ERBB4: variants seen among roughly 807,000 people sequenced by gnomAD.
ERBB4 encodes erb-b2 receptor tyrosine kinase 4.
A neutral mutation model predicts 158.0 loss-of-function variants in ERBB4; 42 were observed. The observed-to-expected ratio is 0.27, with a 90% CI of 0.21 to 0.34. The LOEUF is 0.34. ERBB4 is among the 10% of genes least tolerant of loss of function. The pLI is 1.00. For missense variants in ERBB4, 1,333 were observed against 1,624.1 expected (o/e 0.82, Z 3.08); for synonymous variants, 583 against 558.7 (o/e 1.04, Z -0.61).
chr2:212,005,128 C>A (rs1410035274), intron 2 of ERBB4, among the ~76,000 whole-genome samples: 1 of 152,006 alleles, frequency 6.6e-6, no homozygotes, highest in Non-Finnish European at 1.5e-5. Context: ...TATACATCAA[C>A]ATATATAGGT....
chr2:212,266,408 A>G (rs2085138352), intron 1 of ERBB4, among the ~76,000 whole-genome samples: 1 of 151,990 alleles, frequency 6.6e-6, no homozygotes, highest in African/African-American at 2.4e-5. Context: ...TGTTGTTACA[A>G]AAGAGAAACC....
chr2:211,422,057 C>G lies in ERBB4; in HGVS notation c.2914G>C (p.Ala972Pro). ...TCTCGAGCCATCCTTGAAAACTCAG[C>G]AGCCAGTTCCTTAAATTTAGGTCTA... ...DSRPKFKELA[A>P]EFSRMARDPQ... The change falls in exon 24 of 28, where the codon GCT becomes CCT. Residue 972 changes from alanine (A) to proline (P), a missense_variant. Around this residue, in one of 5 missense-constraint regions of ERBB4, gnomAD observed 314 missense variants for 437.6 expected, o/e 0.72. Coordinates refer to ENST00000342788, the MANE Select transcript of ERBB4 (RefSeq NM_005235.3). 6.2e-7 allele frequency: 1 copy of G among 1,612,568 alleles called. No individual in the cohort carries two copies. Among genetic ancestry groups the G allele is most frequent in the African/African-American group, 1.3e-5 (1 of 74,964 alleles).
intron 18 of ERBB4, 84 bp downstream of exon 18, chr2:211,623,838 T>C (rs1194876500): frequency 2.2e-5 from 30 of 1,356,924 alleles, no homozygotes; most frequent in Non-Finnish European, 2.9e-5. Context: ...AATTAGGTTG[T>C]CTAAAGTAAT....
intron 16 of ERBB4, among the ~76,000 whole-genome samples, chr2:211,631,317 C>A (rs1275536497): frequency 6.6e-6 from 1 of 152,018 alleles, no homozygotes; most frequent in Admixed American, 6.6e-5. Context: ...GCCCAAAGTG[C>A]TATTTGAAAC....
chr2:212,231,188 A>T (rs1258298600), intron 1 of ERBB4, among the ~76,000 whole-genome samples: 1 of 152,164 alleles, frequency 6.6e-6, no homozygotes, highest in Non-Finnish European at 1.5e-5. Context: ...AGATAACTAG[A>T]TATTTCATTA....
intron 4 of ERBB4, among the ~76,000 whole-genome samples, chr2:211,763,955 T>C (rs937060926): frequency 2.6e-5 from 4 of 151,116 alleles, no homozygotes; most frequent in Non-Finnish European, 5.9e-5. Flanking sequence ...TAAAAAGAAC[T>C]CAAATTAACA....
At chr2:212,231,699 A>G (rs2083671588) in intron 1 of ERBB4, among the ~76,000 whole-genome samples, 1 of 152,208 alleles carries the variant, frequency 6.6e-6, no homozygotes, top group South Asian at 2.1e-4. Context: ...ACCCAGAACT[A>G]TACATACTGC....
intron 9 of ERBB4, among the ~76,000 whole-genome samples, chr2:211,707,067 C>T (rs1181512768): frequency 6.6e-6 from 1 of 152,124 alleles, no homozygotes; most frequent in Non-Finnish European, 1.5e-5. Flanking sequence ...TAGGACAGCT[C>T]AGGTCGTATA....
At chr2:211,532,352 G>A (rs1302820538) in intron 20 of ERBB4, among the ~76,000 whole-genome samples, 1 of 151,894 alleles carries the variant, frequency 6.6e-6, no homozygotes, top group East Asian at 1.9e-4. Context: ...TTACCCTGAC[G>A]AGATTATTAT....
intron 1 of ERBB4, among the ~76,000 whole-genome samples, chr2:212,502,810 C>T (rs1297185445): frequency 6.6e-6 from 1 of 152,118 alleles, no homozygotes; most frequent in African/African-American, 2.4e-5. Context: ...CTCACTCTGT[C>T]ACCCTGCCCA....
intron 1 of ERBB4, among the ~76,000 whole-genome samples, chr2:212,360,264 A>G (rs958391866): frequency 4.0e-5 from 6 of 151,688 alleles, no homozygotes; most frequent in Non-Finnish European, 7.4e-5. Flanking sequence ...GTCCAGAGTT[A>G]ACTTCCACTC....
intron 20 of ERBB4, among the ~76,000 whole-genome samples, chr2:211,532,365 A>G (rs1240322821): frequency 1.3e-5 from 2 of 152,092 alleles, no homozygotes; most frequent in African/African-American, 2.4e-5. Context: ...ATTATTATGC[A>G]TTGCATACCT....
chr2:212,063,673 A>G (rs2077850006), intron 2 of ERBB4, among the ~76,000 whole-genome samples: 2 of 152,200 alleles, frequency 1.3e-5, no homozygotes, highest in South Asian at 4.1e-4. Flanking sequence ...GGCAAAAACA[A>G]ACGTAAAAAT....
intron 1 of ERBB4, among the ~76,000 whole-genome samples, chr2:212,237,710 G>A (rs1034825444): frequency 6.6e-6 from 1 of 152,186 alleles, no homozygotes; most frequent in East Asian, 1.9e-4. Context: ...TCTGTCCCAG[G>A]GATGTGGGAG....
chr2:212,357,926 T>C (rs2089526812), intron 1 of ERBB4, among the ~76,000 whole-genome samples: 1 of 151,892 alleles, frequency 6.6e-6, no homozygotes, highest in Non-Finnish European at 1.5e-5. Context: ...TCCACTGGCC[T>C]CACCCAGAAT....
chr2:212,100,130 C>T (rs1167228034), intron 2 of ERBB4, among the ~76,000 whole-genome samples: 1 of 152,166 alleles, frequency 6.6e-6, no homozygotes, highest in East Asian at 1.9e-4. Context: ...TTCTTTGTAA[C>T]TGCAGGATAA....
chr2:211,755,038 C>T (rs2075256312), intron 4 of ERBB4, among the ~76,000 whole-genome samples: 1 of 152,148 alleles, frequency 6.6e-6, no homozygotes, highest in South Asian at 2.1e-4. Flanking sequence ...GAAAATAGTC[C>T]ACTTCTTTAC....
At chr2:212,408,628 T>C (rs768564476) in intron 1 of ERBB4, among the ~76,000 whole-genome samples, 1 of 152,074 alleles carries the variant, frequency 6.6e-6, no homozygotes, top group Non-Finnish European at 1.5e-5. Flanking sequence ...CACTCTAGCC[T>C]GGACGATACA....
At chr2:212,184,107 A>C (rs2081948577) in intron 1 of ERBB4, among the ~76,000 whole-genome samples, 1 of 152,084 alleles carries the variant, frequency 6.6e-6, no homozygotes, top group African/African-American at 2.4e-5. Context: ...TTTTAAAGTG[A>C]AATAAAACAT....
Sources: allele counts gnomAD v4.1 joint callset (sites outside exome capture counted in the v4.1 genomes callset), GRCh38; gene constraint gnomAD v4.1.1; regional missense constraint gnomAD v4.1.1; transcripts MANE v1.5; gene names NCBI Gene and HGNC (gene_info 2026-07-23, HGNC 2026-07-21).